Variants in WASHC2A observed in about 807,000 individuals in gnomAD.
The protein encoded by WASHC2A is WASH complex subunit FAM21A.
Under a neutral mutation model 140.3 loss-of-function variants are expected in WASHC2A, and 82 were observed. The ratio of observed to expected loss-of-function variants is 0.58; its 90% CI spans 0.49 to 0.70. WASHC2A has a LOEUF of 0.70. WASHC2A is among the 30% of genes least tolerant of loss of function. The pLI is 0.00. For missense variants in WASHC2A, 985 were observed against 1,521.8 expected, an observed-to-expected ratio of 0.65 and a Z score of 5.87; for synonymous variants, 340 against 560.8, an observed-to-expected ratio of 0.61 and a Z score of 5.56.
At position 50,095,145 on chromosome 10, in the gene WASHC2A, T is replaced by C; in HGVS notation, c.1181-3T>C. ...ATGGTTACCCCTTGCTTTCTCATTCTAGAGTCTTCATCATCCAAACCTGGA... is the reference window on the plus strand; with the variant it reads ...ATGGTTACCCCTTGCTTTCTCATTCCAGAGTCTTCATCATCCAAACCTGGA... On this transcript the variant is annotated splice_region_variant and splice_polypyrimidine_tract_variant and intron_variant, in intron 13 of 30. Coordinates refer to ENST00000282633, the MANE Select transcript of WASHC2A (RefSeq NM_001005751.3). 1 of 1,569,708 alleles carries C rather than the reference T, an allele frequency of 6.4e-7. No individual in the cohort carries two copies.
At chr10:50,078,420 G>A (rs1554878732) in intron 3 of WASHC2A, among the ~76,000 whole-genome samples, 3 of 151,942 alleles carry the variant, frequency 2.0e-5, no homozygotes, top group Admixed American at 6.6e-5. Flanking sequence ...GGTTTACAAC[G>A]AGGTTAAAGT....
Position 50,068,193 on chromosome 10 carries a change from G to A in WASHC2A, c.92G>A (p.Ser31Asn). The A allele has an allele frequency of 1.3e-6, 2 of 1,595,324 alleles. No homozygotes were observed. Among genetic ancestry groups the A allele is most frequent in the South Asian group, 1.1e-5 (1 of 89,850 alleles). The change falls in exon 2 of 31, where the codon AGC (serine) becomes AAC (asparagine). Residue 31 changes from serine to asparagine, a missense_variant. Ser to Asn is a conservative substitution (Grantham distance 46). Transcript: ENST00000282633. ...TGGTCGGTGGAGGAGATCCGCAGGA[G>A]CAGCCAGAGCTGGTCGCTGGCGGCC... The part of the protein sequence containing the change: ...RPWSVEEIRR[S>N]SQSWSLAADA...
At chr10:50,131,853 T>C (rs1844003935) in intron 30 of WASHC2A, among the ~76,000 whole-genome samples, 1 of 152,098 alleles carries the variant, frequency 6.6e-6, no homozygotes, top group Non-Finnish European at 1.5e-5. Context: ...TTATTTTAAA[T>C]ACAAAAAAAG....
In WASHC2A at chr10:50,087,263, T is replaced by A; in HGVS notation, c.685-12T>A. 1.2e-6 allele frequency: 2 copies of A among 1,613,950 alleles called. No individual in the cohort carries two copies. Among genetic ancestry groups the A allele is most frequent in the Non-Finnish European group, 1.7e-6 (2 of 1,179,856 alleles). On this transcript the variant is annotated splice_polypyrimidine_tract_variant and intron_variant, in intron 7 of 30. Transcript: ENST00000282633. ...GCCCATTTAACAACAAAGCCTTTTCTTCCCCACAAAGGAGTCAGATGAAGA... is the reference window on the plus strand; with the variant it reads ...GCCCATTTAACAACAAAGCCTTTTCATCCCCACAAAGGAGTCAGATGAAGA...
At chr10:50,107,331 C>T (rs1349379701) in intron 19 of WASHC2A, among the ~76,000 whole-genome samples, 1 of 135,830 alleles carries the variant, frequency 7.4e-6, no homozygotes, top group Non-Finnish European at 1.6e-5. Context: ...GGAGTCTTAA[C>T]AATATTTCTG....
Position 50,067,954 on chromosome 10 carries a change from A to T in WASHC2A, c.-52A>T. 2 of 1,589,544 alleles carry T rather than the reference A, an allele frequency of 1.3e-6. No homozygotes were observed. Among genetic ancestry groups the T allele is most frequent in the South Asian group, 2.3e-5 (2 of 88,482 alleles). ...TGGGGCTAGGCTTCCGGGGCTCTGC[A>T]GTCCTCGGCGTGTGCTGGCAGCTTC... On this transcript the variant is annotated 5_prime_UTR_variant, in exon 1 of 31. Transcript: ENST00000282633.
chr10:50,113,565 A>G (rs1381964380), intron 20 of WASHC2A, among the ~76,000 whole-genome samples: 1 of 151,608 alleles, frequency 6.6e-6, no homozygotes, highest in Admixed American at 6.6e-5. Flanking sequence ...TTTTTGTGCT[A>G]TAGGAAGTGG....
intron 3 of WASHC2A, among the ~76,000 whole-genome samples, chr10:50,074,839 C>G (rs1236452425): frequency 6.6e-6 from 1 of 152,034 alleles, no homozygotes; most frequent in Non-Finnish European, 1.5e-5. Flanking sequence ...GGGCGTGAAC[C>G]CGGGAGGCAG....
At chr10:50,069,133 A>C (rs1404274240) in intron 2 of WASHC2A, among the ~76,000 whole-genome samples, 2 of 151,976 alleles carry the variant, frequency 1.3e-5, no homozygotes, top group Non-Finnish European at 2.9e-5. Flanking sequence ...GTACTTGTCA[A>C]ACCAGCATTC....
chr10:50,101,006 C>T (rs1469503949), intron 17 of WASHC2A, among the ~76,000 whole-genome samples: 12 of 152,416 alleles, frequency 7.9e-5, no homozygotes, highest in Non-Finnish European at 1.3e-4. Flanking sequence ...CAGAAACTTA[C>T]ATGTATTTCA....
intron 26 of WASHC2A, among the ~76,000 whole-genome samples, chr10:50,126,838 A>G (rs1365494662): frequency 2.6e-5 from 4 of 151,856 alleles, no homozygotes; most frequent in African/African-American, 7.2e-5. Context: ...TGAAATTTCT[A>G]TTTGATAACC....
chr10:50,127,910 G>A, intron 28 of WASHC2A, 115 bp downstream of exon 28: 2 of 1,521,568 alleles, frequency 1.3e-6, no homozygotes, highest in South Asian at 2.4e-5. Context: ...TTTGAAGGAG[G>A]TGCCTCATCC....
chr10:50,099,431 G>A (rs1337132648), intron 16 of WASHC2A, among the ~76,000 whole-genome samples: 5 of 149,980 alleles, frequency 3.3e-5, no homozygotes, highest in East Asian at 2.0e-4. Flanking sequence ...CACCATGCCC[G>A]GCTAATTTTT....
At chr10:50,120,618 C>CAAA (rs1161708139) in intron 23 of WASHC2A, among the ~76,000 whole-genome samples, 3 of 37,784 alleles carry the variant, frequency 7.9e-5, no homozygotes, top group Non-Finnish European at 1.4e-4. Context: ...GACTCCATCT[C>CAAA]AAAAAAAAAA....
In WASHC2A at chr10:50,085,503, C is replaced by G; in HGVS notation, c.629C>G (p.Ser210Cys). ...TTATCTCTCTTCTCAACAGAAGGCT[C>G]TGTAGGCAGTGATCGTGGCAGTATT... The part of the protein sequence containing the change: ...GLGELSSEEG[S>C]VGSDRGSIVD... The change falls in exon 7 of 31, where the codon TCT (serine) becomes TGT (cysteine). Residue 210 changes from serine (S) to cysteine (C), a missense_variant. Physicochemically the swap from Ser to Cys is moderately radical, Grantham distance 112 (BLOSUM62 -1). Coordinates refer to ENST00000282633, the MANE Select transcript of WASHC2A (RefSeq NM_001005751.3). The G allele has an allele frequency of 2.5e-6, 1 of 404,590 alleles. No homozygotes were observed. Among genetic ancestry groups the G allele is most frequent in the Admixed American group, 5.1e-5 (1 of 19,704 alleles). 25.1% of individuals were successfully genotyped at this position (404,590 alleles called of 1,614,324 possible).
intron 23 of WASHC2A, among the ~76,000 whole-genome samples, chr10:50,121,352 A>G (rs1383098475): frequency 6.7e-6 from 1 of 149,728 alleles, no homozygotes; most frequent in African/African-American, 2.5e-5. Context: ...GTAAGCTAGT[A>G]ATGAACATTT....
chr10:50,129,408 T>C lies in WASHC2A; in HGVS notation c.3088-11T>C, dbSNP rs1175522241. 13 of 1,612,096 alleles carry C rather than the reference T, an allele frequency of 8.1e-6. No individual in the cohort carries two copies. Among genetic ancestry groups the C allele is most frequent in the Non-Finnish European group, 1.1e-5 (13 of 1,179,878 alleles). On this transcript the variant is annotated splice_polypyrimidine_tract_variant and intron_variant, in intron 28 of 30. Transcript: ENST00000282633. ...ATCGTCAGATCAATGTGTGTTTTTT[T>C]GCCATTGCAGAGCCGTGTCAAGATG...
intron 8 of WASHC2A, among the ~76,000 whole-genome samples, chr10:50,089,861 G>A (rs1251275376): frequency 2.0e-5 from 3 of 151,960 alleles, no homozygotes; most frequent in Non-Finnish European, 2.9e-5. Flanking sequence ...TGTAATCCCA[G>A]CGCTTTGGGA....
chr10:50,107,043 G>A (rs1841854427), intron 19 of WASHC2A, among the ~76,000 whole-genome samples: 1 of 17,310 alleles, frequency 5.8e-5, no homozygotes, highest in Admixed American at 7.7e-4. Flanking sequence ...CTTTCCTCTG[G>A]GAATAGGGAG....
Sources: gnomAD v4.1 joint callset for allele counts (sites outside exome capture counted in the v4.1 genomes callset) on GRCh38, gnomAD v4.1.1 for gene constraint, MANE v1.5 for transcripts, NCBI Gene and HGNC (gene_info 2026-07-23, HGNC 2026-07-21) for gene names.